NKAIN2: variants seen among roughly 807,000 people sequenced by gnomAD.
NKAIN2 encodes the protein sodium/potassium-transporting ATPase subunit beta-1-interacting protein 2.
A neutral mutation model predicts 32.6 loss-of-function variants in NKAIN2; 14 were observed. The ratio of observed to expected loss-of-function variants is 0.43; its 90% CI spans 0.28 to 0.67. The LOEUF (loss-of-function observed/expected upper bound fraction) is 0.67, where lower values mean the gene tolerates loss of function less well. NKAIN2 is among the 30% of genes least tolerant of loss of function. The pLI is 0.17. For synonymous variants in NKAIN2, 80 were observed against 87.2 expected, an observed-to-expected ratio of 0.92 and a Z score of 0.46; for missense variants, 198 against 258.3, an observed-to-expected ratio of 0.77 and a Z score of 1.60.
chr6:124,224,591 A>C (rs1327218528), intron 1 of NKAIN2, among the ~76,000 whole-genome samples: 1 of 152,112 alleles, frequency 6.6e-6, no homozygotes, highest in Non-Finnish European at 1.5e-5. Flanking sequence ...GATGCCCAGC[A>C]TTTTAAGCAG....
At chr6:124,295,272 T>A (rs966333680) in intron 2 of NKAIN2, among the ~76,000 whole-genome samples, 2 of 150,128 alleles carry the variant, frequency 1.3e-5, no homozygotes, top group African/African-American at 5.0e-5. Flanking sequence ...TTCTAAAACC[T>A]TTGTGTCGTT....
intron 3 of NKAIN2, among the ~76,000 whole-genome samples, chr6:124,541,315 G>T (rs1204664484): frequency 6.6e-6 from 1 of 152,012 alleles, no homozygotes; most frequent in African/African-American, 2.4e-5. Context: ...GATAAGCAAG[G>T]GTGAGACACA....
intron 3 of NKAIN2, among the ~76,000 whole-genome samples, chr6:124,465,578 A>G (rs1004342993): frequency 1.3e-5 from 2 of 150,788 alleles, no homozygotes; most frequent in African/African-American, 4.9e-5. Context: ...ATGTATACCT[A>G]TGTAACAAAC....
chr6:124,000,752 G>A (rs1402356144), intron 1 of NKAIN2, among the ~76,000 whole-genome samples: 1 of 152,034 alleles, frequency 6.6e-6, no homozygotes, highest in Non-Finnish European at 1.5e-5. Flanking sequence ...TCCTTGAATT[G>A]CTAACACATA....
Position 124,793,521 on chromosome 6 carries a change from T to C in NKAIN2, c.535+2122T>C, listed in dbSNP as rs980536958. Among the ~76,000 whole-genome samples, 8 of 152,260 alleles carry C rather than the reference T, an allele frequency of 5.3e-5. No individual in the cohort carries two copies. The South Asian group carries it at 1.4e-3, about 28-fold the overall frequency. ...TGGAAGTTGGGCTTTCTCTGGGCTA[T>C]GTTGTTTGATTTCATTTCACAATGA... On this transcript the variant is annotated intron_variant, in intron 5 of 6. Coordinates refer to ENST00000368417, the MANE Select transcript of NKAIN2 (RefSeq NM_001040214.3).
At chr6:124,737,115 A>G (rs969899924) in intron 4 of NKAIN2, among the ~76,000 whole-genome samples, 7 of 151,830 alleles carry the variant, frequency 4.6e-5, no homozygotes, top group Non-Finnish European at 8.8e-5. Context: ...ACCCTCATGG[A>G]TGAATTTGAG....
intron 3 of NKAIN2, among the ~76,000 whole-genome samples, chr6:124,638,790 C>T (rs1399921221): frequency 7.1e-6 from 1 of 141,766 alleles, no homozygotes; most frequent in Non-Finnish European, 1.5e-5. Flanking sequence ...ACTCGGGAGG[C>T]TGGGGCAGGA....
At chr6:124,236,885 CT>C (rs1792797379) in intron 1 of NKAIN2, among the ~76,000 whole-genome samples, 2 of 152,096 alleles carry the variant, frequency 1.3e-5, no homozygotes, top group South Asian at 4.1e-4. Context: ...GAGAAGAGTG[CT>C]TTTAAAAGAT....
chr6:124,345,581 G>A (rs1277151055), intron 2 of NKAIN2, among the ~76,000 whole-genome samples: 1 of 151,548 alleles, frequency 6.6e-6, no homozygotes, highest in Non-Finnish European at 1.5e-5. Flanking sequence ...ATGTGTCGAG[G>A]AATTTATCCA....
In NKAIN2 at chr6:123,977,056, A is replaced by C. The variant is rs1425767642; in HGVS notation, c.54+172802A>C. ...TGGGCTGGAGTGCAATGGCACAATCATGGCCTTTTGGGCTCAGGTGATCCT... is the reference window on the plus strand; with the variant it reads ...TGGGCTGGAGTGCAATGGCACAATCCTGGCCTTTTGGGCTCAGGTGATCCT... On this transcript the variant is annotated intron_variant, in intron 1 of 6. Transcript: ENST00000368417. Among the ~76,000 whole-genome samples the C allele has an allele frequency of 2.6e-5, 4 of 152,204 alleles. No homozygotes were observed. In the East Asian group the frequency reaches 7.7e-4, roughly 29 times the overall value.
At chr6:124,412,670 G>A (rs989901275) in intron 3 of NKAIN2, among the ~76,000 whole-genome samples, 11 of 152,164 alleles carry the variant, frequency 7.2e-5, no homozygotes, top group Non-Finnish European at 7.3e-5. Context: ...CTCAAGCTGC[G>A]TGCTGGGAGA....
At chr6:124,687,307 GAATA>G (rs1279514064) in intron 4 of NKAIN2, among the ~76,000 whole-genome samples, 3 of 136,636 alleles carry the variant, frequency 2.2e-5, no homozygotes, top group Non-Finnish European at 3.1e-5. Context: ...TATATATAGA[GAATA>G]TATATGTAAT....
intron 3 of NKAIN2, among the ~76,000 whole-genome samples, chr6:124,624,262 A>G (rs75591334): frequency 1.7e-3 from 260 of 152,296 alleles, no homozygotes; most frequent in African/African-American, 6.1e-3. Context: ...TTGCTTGAAT[A>G]ATGATCTCTG....
At chr6:124,110,069 CT>C (rs1237055373) in intron 1 of NKAIN2, among the ~76,000 whole-genome samples, 4 of 149,960 alleles carry the variant, frequency 2.7e-5, no homozygotes, top group Non-Finnish European at 4.4e-5. Context: ...CTTGTGGTTT[CT>C]TTGCCTGGCT....
At chr6:124,238,461 A>G (rs1159075861) in intron 1 of NKAIN2, among the ~76,000 whole-genome samples, 1 of 152,166 alleles carries the variant, frequency 6.6e-6, no homozygotes, top group Non-Finnish European at 1.5e-5. Flanking sequence ...GTGGAAAAAT[A>G]GAAGTCACAT....
At chr6:124,319,328 C>T (rs1019736677) in intron 2 of NKAIN2, among the ~76,000 whole-genome samples, 3 of 152,042 alleles carry the variant, frequency 2.0e-5, no homozygotes, top group Admixed American at 1.3e-4. Context: ...TTGGAGAAAA[C>T]GCAAATGCTG....
chr6:124,634,757 C>A (rs1435081227), intron 3 of NKAIN2, among the ~76,000 whole-genome samples: 1 of 151,892 alleles, frequency 6.6e-6, no homozygotes, highest in Non-Finnish European at 1.5e-5. Context: ...CAAATATAAT[C>A]AACCCAAAAG....
chr6:124,004,210 G>A (rs139962986), intron 1 of NKAIN2, among the ~76,000 whole-genome samples: 24 of 152,234 alleles, frequency 1.6e-4, no homozygotes, highest in African/African-American at 5.5e-4. Flanking sequence ...AGGGTTTATT[G>A]TAGTAGCCAT....
chr6:124,711,213 T>C (rs1181254733), intron 4 of NKAIN2, among the ~76,000 whole-genome samples: 39 of 122,214 alleles, frequency 3.2e-4, no homozygotes, highest in African/African-American at 1.2e-3. Flanking sequence ...GTTAGTCTGA[T>C]GGGCTTCCCT....
Sources: gnomAD v4.1 joint callset for allele counts (sites outside exome capture counted in the v4.1 genomes callset) on GRCh38, gnomAD v4.1.1 for gene constraint, MANE v1.5 for transcripts, NCBI Gene and HGNC (gene_info 2026-07-23, HGNC 2026-07-21) for gene names.